Variants in TRIM34 observed in about 807,000 individuals in gnomAD.
The protein encoded by TRIM34 is E3 ubiquitin-protein ligase TRIM34.
Under a neutral mutation model 38.1 loss-of-function variants are expected in TRIM34, and 41 were observed. That is an observed-to-expected ratio of 1.08 (90% confidence interval 0.84 to 1.40). The LOEUF is 1.40. Among genes scored for constraint, TRIM34 ranks in the 40% most tolerant of loss-of-function variants. The pLI is 0.00. For missense variants in TRIM34, 556 were observed against 571.4 expected, an observed-to-expected ratio of 0.97 and a Z score of 0.27; for synonymous variants, 200 against 202.5, an observed-to-expected ratio of 0.99 and a Z score of 0.10.
intron 2 of TRIM34, 46 bp downstream of exon 2, chr11:5,632,800 T>G: frequency 1.4e-6 from 2 of 1,440,886 alleles, no homozygotes; most frequent in Non-Finnish European, 1.8e-6. Context: ...TGGTAGTTGG[T>G]GGAAAATCTC....
At chr11:5,641,081 T>G in intron 4 of TRIM34, 86 bp from the exon 5 acceptor site, 1 of 1,487,854 alleles carries the variant, frequency 6.7e-7, no homozygotes, top group Non-Finnish European at 9.0e-7. Context: ...GATTTTTCCA[T>G]TTTTTTTCCT....
At position 5,642,649 on chromosome 11, in the gene TRIM34, G is replaced by A; in HGVS notation, c.874+143G>A. 2.2e-6 allele frequency: 3 copies of A among 1,369,198 alleles called. No individual in the cohort carries two copies. The East Asian group carries it at 7.5e-5, about 34-fold the overall frequency. 84.8% of individuals were successfully genotyped at this position (1,369,198 alleles called of 1,614,324 possible). ...AGGAATATTCTGTGGTGAAGAGGAT[G>A]CATTTATATGTAAGGAAAAATGGCT... On this transcript the variant is annotated intron_variant, in intron 6 of 7. Transcript: ENST00000429814.
intron 1 of TRIM34, among the ~76,000 whole-genome samples, chr11:5,625,763 A>G (rs1849188745): frequency 6.6e-6 from 1 of 152,106 alleles, no homozygotes; most frequent in Non-Finnish European, 1.5e-5. Flanking sequence ...GTTTACTTTT[A>G]CTTCAGTAAC....
upstream of TRIM34, among the ~76,000 whole-genome samples, chr11:5,620,759 T>G (rs916089212): frequency 6.6e-6 from 1 of 152,154 alleles, no homozygotes; most frequent in South Asian, 2.1e-4. Flanking sequence ...TCCTCCAGAT[T>G]AGCTTCTTCT....
intron 1 of TRIM34, among the ~76,000 whole-genome samples, chr11:5,627,761 A>G (rs1849308707): frequency 6.6e-6 from 1 of 152,168 alleles, no homozygotes; most frequent in Admixed American, 6.5e-5. Flanking sequence ...GGATGTCAAA[A>G]CAGGCTCTAC....
chr11:5,639,923 A>G (rs79146165), intron 4 of TRIM34, among the ~76,000 whole-genome samples: 6,153 of 152,284 alleles, frequency 0.04, 398 homozygotes, highest in African/African-American at 0.14. Flanking sequence ...TTACATCAGT[A>G]CATCAGAGTA....
chr11:5,643,725 C>G lies in TRIM34; in HGVS notation c.*16C>G. On this transcript the variant is annotated 3_prime_UTR_variant, in exon 8 of 8. Coordinates refer to ENST00000429814, the MANE Select transcript of TRIM34 (RefSeq NM_021616.6). ...AAGCTCTTGAATTTTCTCATTTCTT[C>G]ACCTACAACCCTTTGTCTTGACTTA... The G allele has an allele frequency of 6.4e-7, 1 of 1,561,498 alleles. No homozygotes were observed. The highest frequency in any genetic ancestry group is 8.6e-7 in the Non-Finnish European group (1 of 1,159,380).
intron 2 of TRIM34, 38 bp downstream of exon 2, chr11:5,632,792 G>T: frequency 6.7e-7 from 1 of 1,482,038 alleles, no homozygotes; most frequent in South Asian, 1.4e-5. Flanking sequence ...GCAGAAGATG[G>T]TAGTTGGTGG....
Position 5,633,028 on chromosome 11 carries a change from C to T in TRIM34, c.423+274C>T, listed in dbSNP as rs1322206137. On this transcript the variant is annotated intron_variant, in intron 2 of 7. Transcript: ENST00000429814. ...TTTTTTTTTGGATTTTTAGTAGAGACGGGATTTCACCATCTTGGCCAGGCT... is the reference window on the plus strand; with the variant it reads ...TTTTTTTTTGGATTTTTAGTAGAGATGGGATTTCACCATCTTGGCCAGGCT... Among the ~76,000 whole-genome samples the T allele has an allele frequency of 3.5e-5, 5 of 141,562 alleles. 1 individual carries two copies. Among genetic ancestry groups the T allele is most frequent in the South Asian group, 2.2e-4 (1 of 4,470 alleles). The allele number at this position is 141,562 out of a possible 152,430, so 92.9% of individuals were successfully genotyped here.
At chr11:5,633,928 G>A in intron 3 of TRIM34, 29 bp downstream of exon 3, 1 of 1,611,290 alleles carries the variant, frequency 6.2e-7, no homozygotes, top group Non-Finnish European at 8.5e-7. Context: ...GGTTTTCTGA[G>A]ACAGGAATCT....
At chr11:5,623,126 T>TA (rs1491107215), upstream of TRIM34, among the ~76,000 whole-genome samples, 14 of 120,150 alleles carry the variant, frequency 1.2e-4, no homozygotes, top group East Asian at 9.2e-4. Flanking sequence ...TTTTTTTTTT[T>TA]ATCTTAGTAG....
At chr11:5,631,337 A>C (rs2133922401) in intron 1 of TRIM34, among the ~76,000 whole-genome samples, 1 of 152,306 alleles carries the variant, frequency 6.6e-6, no homozygotes, top group South Asian at 2.1e-4. Flanking sequence ...TTGTTTAAAT[A>C]AGTGGAGTAG....
chr11:5,642,669 A>T, intron 6 of TRIM34, 148 bp from the exon 7 acceptor site: 1 of 1,343,904 alleles, frequency 7.4e-7, no homozygotes, highest in South Asian at 1.5e-5. Context: ...GTAAGGAAAA[A>T]TGGCTAGGTC....
Position 5,643,386 on chromosome 11 carries a change from G to A in TRIM34, c.1144G>A (p.Ala382Thr). The change falls in exon 8 of 8, where the codon GCA (alanine) becomes ACA (threonine). Residue 382 changes from alanine to threonine, a missense_variant. By Grantham distance (58) the Ala-to-Thr change is moderately conservative. Coordinates refer to ENST00000429814, the MANE Select transcript of TRIM34 (RefSeq NM_021616.6). ...RHMKYVVRRC[A>T]NRQNLYTKYR... ...TATGAAGTATGTTGTTAGAAGATGT[G>A]CAAATCGTCAAAATCTTTACACCAA... The A allele has an allele frequency of 6.2e-7, 1 of 1,614,054 alleles. No individual in the cohort carries two copies. Among genetic ancestry groups the A allele is most frequent in the Non-Finnish European group, 8.5e-7 (1 of 1,180,000 alleles).
Position 5,643,254 on chromosome 11 carries a change from G to A in TRIM34, c.1012G>A (p.Val338Ile). 1.9e-6 allele frequency: 3 copies of A among 1,613,958 alleles called. No homozygotes were observed. Among genetic ancestry groups the A allele is most frequent in the Non-Finnish European group, 2.5e-6 (3 of 1,179,994 alleles). The part of the protein sequence containing the change: ...IWPFQCYNYG[V>I]LGSQYFSSGK... ...GCCTTTTCAGTGTTATAATTATGGT[G>A]TCTTGGGATCCCAATATTTCTCCTC... The change falls in exon 8 of 8, where the codon GTC becomes ATC. Residue 338 changes from valine to isoleucine, a missense_variant. Coordinates refer to ENST00000429814, the MANE Select transcript of TRIM34 (RefSeq NM_021616.6).
chr11:5,630,439 C>T (rs759104500), intron 1 of TRIM34, among the ~76,000 whole-genome samples: 19 of 152,150 alleles, frequency 1.2e-4, no homozygotes, highest in Non-Finnish European at 2.2e-4. Flanking sequence ...GAGACTGTCA[C>T]TTTTACTTCA....
Position 5,639,679 on chromosome 11 carries a change from CAAAAAAA to C in TRIM34, c.751-1466_751-1460del, listed in dbSNP as rs58134807. On this transcript the variant is annotated intron_variant, in intron 4 of 7. Coordinates refer to ENST00000429814, the MANE Select transcript of TRIM34 (RefSeq NM_021616.6). ...TGGGTGACAGAGTGAGACTCTATTT[CAAAAAAA>C]AAAAAAAAAAAAAAAAAAAAAGATT... Among the ~76,000 whole-genome samples, 220 of 51,148 alleles carry C rather than the reference CAAAAAAA, an allele frequency of 4.3e-3. 2 individuals carry two copies. The highest frequency in any genetic ancestry group is 0.01 in the African/African-American group (115 of 11,476). The allele number at this position is 51,148 out of a possible 152,430, so 33.6% of individuals were successfully genotyped here. A position where few individuals can be genotyped will look rare whatever the true frequency, so the allele number is the denominator to read the frequency against.
intron 3 of TRIM34, among the ~76,000 whole-genome samples, 197 bp from the exon 4 acceptor site, chr11:5,634,434 C>T (rs775067627): frequency 6.8e-6 from 1 of 147,188 alleles, no homozygotes; most frequent in Non-Finnish European, 1.5e-5. Flanking sequence ...ATTTGAACTC[C>T]CTGAAAAAAA....
chr11:5,626,217 A>G (rs1849220159), intron 1 of TRIM34, among the ~76,000 whole-genome samples: 1 of 152,252 alleles, frequency 6.6e-6, no homozygotes, highest in African/African-American at 2.4e-5. Flanking sequence ...CAGGCTGCTA[A>G]TGTAAAAACG....
Sources: allele counts gnomAD v4.1 joint callset (sites outside exome capture counted in the v4.1 genomes callset), GRCh38; gene constraint gnomAD v4.1.1; transcripts MANE v1.5; gene names NCBI Gene and HGNC (gene_info 2026-07-23, HGNC 2026-07-21).